Variants in SLC7A11 observed in about 807,000 individuals in gnomAD.
SLC7A11 encodes solute carrier family 7 member 11.
Under a neutral mutation model 54.5 loss-of-function variants are expected in SLC7A11, and 35 were observed. The observed-to-expected ratio is 0.64, with a 90% CI of 0.49 to 0.85. The LOEUF is 0.85. SLC7A11 is among the 40% of genes least tolerant of loss of function. The pLI, the probability that SLC7A11 is intolerant of heterozygous loss-of-function variation, is 0.00. For synonymous variants in SLC7A11, 230 were observed against 225.2 expected, an observed-to-expected ratio of 1.02 and a Z score of -0.19; for missense variants, 583 against 618.1, an observed-to-expected ratio of 0.94 and a Z score of 0.60.
intron 6 of SLC7A11, among the ~76,000 whole-genome samples, chr4:138,188,420 T>C (rs556546664): frequency 6.6e-6 from 1 of 152,252 alleles, no homozygotes; most frequent in East Asian, 1.9e-4. Context: ...AAATAGCCAC[T>C]AGCTTCCATT....
At chr4:138,184,074 G>C (rs763452668) in intron 7 of SLC7A11, among the ~76,000 whole-genome samples, 4 of 152,132 alleles carry the variant, frequency 2.6e-5, no homozygotes, top group African/African-American at 4.8e-5. Context: ...GGATTCATTA[G>C]TTGTCCTTGA....
chr4:138,191,835 T>C (rs1412910921), intron 6 of SLC7A11, among the ~76,000 whole-genome samples: 1 of 152,130 alleles, frequency 6.6e-6, no homozygotes, highest in Admixed American at 6.6e-5. Flanking sequence ...GTCTTCCAGA[T>C]ACATTACAGT....
intron 5 of SLC7A11, among the ~76,000 whole-genome samples, chr4:138,216,747 G>GC (rs1043632179): frequency 1.3e-5 from 2 of 152,166 alleles, no homozygotes; most frequent in African/African-American, 4.8e-5. Flanking sequence ...AACAGGCTGG[G>GC]CGGTAAGCTC....
At chr4:138,219,397 T>C (rs1560734726) in intron 4 of SLC7A11, 32 bp from the exon 5 acceptor site, 1 of 1,296,832 alleles carries the variant, frequency 7.7e-7, no homozygotes, top group Non-Finnish European at 1.1e-6. Context: ...TTTAGGATTT[T>C]TCAAAGAATT....
At position 138,180,785 on chromosome 4, in the gene SLC7A11, AG is replaced by A. The variant is rs1736721815; in HGVS notation, c.1121del (p.Pro374LeufsTer2). On this transcript the variant is annotated frameshift_variant, in exon 10 of 12. Coordinates refer to ENST00000280612, the MANE Select transcript of SLC7A11 (RefSeq NM_014331.4). LOFTEE classifies it high-confidence loss of function. ...CAGAGAAGAGCATTATCATTGTCAAAGGGTGCTGAGGGGGGAAAGGGAAGCA... is the reference window on the plus strand; with the variant it reads ...CAGAGAAGAGCATTATCATTGTCAAAGGTGCTGAGGGGGGAAAGGGAAGCA... The part of the protein sequence containing the change: ...TPLPAVIVLH[P>X]LTMIMLFSGD... 4 of 1,610,496 alleles carry A rather than the reference AG, an allele frequency of 2.5e-6. No individual in the cohort carries two copies. The highest frequency in any genetic ancestry group is 1.3e-5 in the African/African-American group (1 of 74,718).
Position 138,171,943 on chromosome 4 carries a change from C to T in SLC7A11, c.*13G>A. 1 of 1,581,980 alleles carries T rather than the reference C, an allele frequency of 6.3e-7. No homozygotes were observed. The highest frequency in any genetic ancestry group is 8.6e-7 in the Non-Finnish European group (1 of 1,169,526). ...CCCCTTGGGCAGATTGCCAAGATCT[C>T]AAGTCCATTAGTTCATAACTTATCT... On this transcript the variant is annotated 3_prime_UTR_variant, in exon 12 of 12. Coordinates refer to ENST00000280612, the MANE Select transcript of SLC7A11 (RefSeq NM_014331.4).
chr4:138,193,453 G>T (rs540708606), intron 6 of SLC7A11, among the ~76,000 whole-genome samples: 251 of 152,258 alleles, frequency 1.6e-3, no homozygotes, highest in African/African-American at 5.6e-3. Flanking sequence ...GATGCTCAAA[G>T]TCATGTCTTT....
rs1231313962 is a variant in SLC7A11 at position 138,168,351 on chromosome 4, A to ACTAT, written c.*3601_*3604dup. 6.6e-6 allele frequency: 1 copy of ACTAT among 152,186 alleles called. No homozygotes were observed. Among genetic ancestry groups the ACTAT allele is most frequent in the African/African-American group, 2.4e-5 (1 of 41,452 alleles). The allele number at this position is 152,186 out of a possible 1,614,324, so 9.4% of individuals were successfully genotyped here. ...TAAAATATTGTTACCTTCAGTCCAT[A>ACTAT]CTATCTTTCATTTCCTGATTCTCTG... On this transcript the variant is annotated 3_prime_UTR_variant, in exon 12 of 12. Transcript: ENST00000280612.
chr4:138,237,649 C>A (rs1379313911), intron 1 of SLC7A11, among the ~76,000 whole-genome samples: 1 of 133,988 alleles, frequency 7.5e-6, no homozygotes, highest in African/African-American at 2.8e-5. Flanking sequence ...CCATCCACCT[C>A]GGCCTCCCAA....
At chr4:138,213,939 C>T (rs1254890492) in intron 6 of SLC7A11, among the ~76,000 whole-genome samples, 2 of 152,044 alleles carry the variant, frequency 1.3e-5, no homozygotes, top group East Asian at 3.8e-4. Flanking sequence ...ATTATTTTTT[C>T]CTGTAGCAAA....
intron 6 of SLC7A11, among the ~76,000 whole-genome samples, chr4:138,208,797 C>G (rs1466062176): frequency 1.8e-4 from 1 of 5,708 alleles, no homozygotes; most frequent in Non-Finnish European, 2.0e-3. Flanking sequence ...AAAGGCAATA[C>G]TCTTATTATA....
At chr4:138,200,331 C>T (rs569330454) in intron 6 of SLC7A11, among the ~76,000 whole-genome samples, 1 of 152,232 alleles carries the variant, frequency 6.6e-6, no homozygotes, top group Non-Finnish European at 1.5e-5. Flanking sequence ...CTATTTTAAT[C>T]TTCTAACCAA....
chr4:138,191,642 A>C (rs1323796117), intron 6 of SLC7A11, among the ~76,000 whole-genome samples: 1 of 152,160 alleles, frequency 6.6e-6, no homozygotes, highest in Non-Finnish European at 1.5e-5. Context: ...CAGAAACATA[A>C]ATATAAGCAG....
At chr4:138,228,004 G>A (rs1307482893) in intron 3 of SLC7A11, among the ~76,000 whole-genome samples, 2 of 152,194 alleles carry the variant, frequency 1.3e-5, no homozygotes, top group Non-Finnish European at 2.9e-5. Flanking sequence ...TGTATTTGAA[G>A]TGTTAACACA....
intron 5 of SLC7A11, among the ~76,000 whole-genome samples, chr4:138,216,142 C>T (rs1458419308): frequency 1.3e-5 from 2 of 152,140 alleles, no homozygotes; most frequent in Non-Finnish European, 2.9e-5. Context: ...CTAGCGAATG[C>T]TCATAAGATC....
intron 11 of SLC7A11, among the ~76,000 whole-genome samples, chr4:138,175,135 A>T (rs1736538074): frequency 6.6e-6 from 1 of 152,314 alleles, no homozygotes; most frequent in Admixed American, 6.5e-5. Flanking sequence ...GTCTTTGTGA[A>T]CAGTCTGTTA....
chr4:138,180,636 G>T lies in SLC7A11; in HGVS notation c.1266+5C>A, dbSNP rs1736713805. ...ATGTAAACCCATCAAGATTGCTGAG[G>T]TTACCTTGAAAGGACGATGCATATC... On this transcript the variant is annotated splice_donor_5th_base_variant and intron_variant, in intron 10 of 11. Coordinates refer to ENST00000280612, the MANE Select transcript of SLC7A11 (RefSeq NM_014331.4). 1.2e-6 allele frequency: 2 copies of T among 1,612,256 alleles called. No homozygotes were observed. Among genetic ancestry groups the T allele is most frequent in the Non-Finnish European group, 1.7e-6 (2 of 1,179,080 alleles).
chr4:138,170,267 T>TACAC lies in SLC7A11; in HGVS notation c.*1688_*1689insGTGT, dbSNP rs1174425587. On this transcript the variant is annotated 3_prime_UTR_variant, in exon 12 of 12. Coordinates refer to ENST00000280612, the MANE Select transcript of SLC7A11 (RefSeq NM_014331.4). ...GTGTGTGTGTATATATATATATATA[T>TACAC]ATATACACACACACACACACACACA... 26 of 91,496 alleles carry TACAC rather than the reference T, an allele frequency of 2.8e-4. No homozygotes were observed. The highest frequency in any genetic ancestry group is 9.4e-4 in the African/African-American group (24 of 25,566). The allele number at this position is 91,496 out of a possible 1,614,324, so 5.7% of individuals were successfully genotyped here.
intron 6 of SLC7A11, among the ~76,000 whole-genome samples, chr4:138,196,441 C>T (rs1737133393): frequency 2.0e-5 from 3 of 152,084 alleles, no homozygotes; most frequent in South Asian, 4.2e-4. Context: ...AGACTCACTT[C>T]TAAATATACA....
Sources: gnomAD v4.1 joint callset for allele counts (sites outside exome capture counted in the v4.1 genomes callset) on GRCh38, gnomAD v4.1.1 for gene constraint, MANE v1.5 for transcripts, NCBI Gene and HGNC (gene_info 2026-07-23, HGNC 2026-07-21) for gene names.